Variants in SNRPN observed in about 807,000 individuals in gnomAD.
The protein encoded by SNRPN is small nuclear ribonucleoprotein-associated protein N.
SNRPN carries 7 observed loss-of-function variants against 25.2 expected under a neutral mutation model. That is an observed-to-expected ratio of 0.28 (90% confidence interval 0.16 to 0.52). The LOEUF (loss-of-function observed/expected upper bound fraction) is 0.52, where lower values mean the gene tolerates loss of function less well. Among genes scored for constraint, SNRPN ranks in the 20% least tolerant of loss-of-function variants. SNRPN has a pLI of 0.96. For synonymous variants in SNRPN, 124 were observed against 110.6 expected (o/e 1.12, Z -0.76); for missense variants, 196 against 322.5 (o/e 0.61, Z 3.00).
chr15:24,941,763 T>G (rs911386862), intron 3 of SNRPN, among the ~76,000 whole-genome samples: 4 of 151,910 alleles, frequency 2.6e-5, no homozygotes, highest in African/African-American at 9.7e-5. Flanking sequence ...TGGCAGTTTT[T>G]TGTTTTTATT....
chr15:24,871,686 C>T (rs1326404068), intron 1 of SNRPN, among the ~76,000 whole-genome samples: 4 of 151,692 alleles, frequency 2.6e-5, no homozygotes, highest in African/African-American at 9.7e-5. Context: ...CCCTCATTAC[C>T]TATATGACTA....
At chr15:24,927,289 T>G (rs1312261910) in intron 3 of SNRPN, among the ~76,000 whole-genome samples, 2 of 151,772 alleles carry the variant, frequency 1.3e-5, no homozygotes, top group African/African-American at 4.8e-5. Flanking sequence ...CCTGGCTAAT[T>G]TTTAAAATTT....
At chr15:24,973,461 G>A (rs939287255) in intron 3 of SNRPN, among the ~76,000 whole-genome samples, 9 of 151,406 alleles carry the variant, frequency 5.9e-5, no homozygotes, top group African/African-American at 2.2e-4. Context: ...GCAGTGGCGC[G>A]ATCTCAGCTC....
chr15:24,977,921 G>A lies in SNRPN; in HGVS notation c.559+5G>A. The A allele has an allele frequency of 6.4e-7, 1 of 1,555,024 alleles. No individual in the cohort carries two copies. Among genetic ancestry groups the A allele is most frequent in the Non-Finnish European group, 8.7e-7 (1 of 1,151,120 alleles). On this transcript the variant is annotated splice_donor_5th_base_variant and intron_variant, in intron 8 of 9. Transcript: ENST00000390687. ...GCAGAGCAACCCCACCTCCAGGTAA[G>A]GGATTGGTGAACACGAAGACGAACT...
At position 24,883,725 on chromosome 15, in the gene SNRPN, G is replaced by A. The variant is rs564008124; in HGVS notation, c.-578-2791G>A. Among the ~76,000 whole-genome samples the A allele has an allele frequency of 1.7e-4, 26 of 152,160 alleles. No individual in the cohort carries two copies. The South Asian group carries it at 5.2e-3, about 30-fold the overall frequency. On this transcript the variant is annotated intron_variant, in intron 1 of 11. Transcript: ENST00000400097. ...TACTAGTATTTATCAAGAATGTAGG[G>A]CTGAAGCTGGGCACAGTGGCTCATG...
chr15:24,977,483 T>TA (rs1449722932), intron 7 of SNRPN, among the ~76,000 whole-genome samples: 2 of 151,966 alleles, frequency 1.3e-5, no homozygotes, highest in Non-Finnish European at 2.9e-5. Context: ...CTACTAAAAA[T>TA]ACAAAAATCA....
chr15:24,881,558 AGGGAGGGAGGGAGGGAGGGAGGGAGG>A, intron 1 of SNRPN, among the ~76,000 whole-genome samples: 5 of 41,094 alleles, frequency 1.2e-4, no homozygotes, highest in South Asian at 7.5e-4. Context: ...AGAGAGAGGG[AGGGAGGGAGGGAGGGAGGGAGGGAGG>A]GAGAGAGAGA....
intron 3 of SNRPN, among the ~76,000 whole-genome samples, chr15:24,925,129 T>A (rs956965178): frequency 1.3e-5 from 2 of 152,140 alleles, no homozygotes; most frequent in African/African-American, 4.8e-5. Context: ...TGTACTGAAG[T>A]TATTCAGGGT....
At position 24,825,002 on chromosome 15, in the gene SNRPN, T is replaced by C. The variant is rs116430175; in HGVS notation, c.-687+1152T>C. Among the ~76,000 whole-genome samples, 1,408 of 152,190 alleles carry C rather than the reference T, an allele frequency of 9.3e-3. 41 individuals are homozygous for C. The highest frequency in any genetic ancestry group is 0.032 in the African/African-American group (1,330 of 41,476). ...TAGCAAATGGCTGTTATACAAGTAA[T>C]GAAATCCTCAATCTTATGGTCTAAA... On this transcript the variant is annotated intron_variant, in intron 1 of 12. Transcript: ENST00000400100.
At chr15:24,915,838 A>G (rs2059476423) in intron 2 of SNRPN, among the ~76,000 whole-genome samples, 1 of 152,146 alleles carries the variant, frequency 6.6e-6, no homozygotes, top group Non-Finnish European at 1.5e-5. Flanking sequence ...ATAATTCCAA[A>G]ATTATAAAAC....
At chr15:24,916,771 T>G (rs1346141405) in intron 2 of SNRPN, among the ~76,000 whole-genome samples, 7 of 152,220 alleles carry the variant, frequency 4.6e-5, no homozygotes, top group Non-Finnish European at 7.3e-5. Context: ...GGTGGGTTTG[T>G]GGGTTTGTGG....
chr15:24,962,358 T>C (rs1022219855), intron 2 of SNRPN, 149 bp downstream of exon 2: 37 of 726,374 alleles, frequency 5.1e-5, no homozygotes, highest in Non-Finnish European at 7.4e-5. Context: ...GCAATGAAAT[T>C]CTTAACCATA....
chr15:24,878,536 G>C (rs1346982862), intron 1 of SNRPN, among the ~76,000 whole-genome samples: 3 of 152,120 alleles, frequency 2.0e-5, no homozygotes, highest in Non-Finnish European at 4.4e-5. Context: ...CCCTTTCTTC[G>C]CAAGCGTTAA....
chr15:24,967,506 G>T (rs1307022737), intron 2 of SNRPN, among the ~76,000 whole-genome samples: 2 of 152,052 alleles, frequency 1.3e-5, no homozygotes, highest in Non-Finnish European at 2.9e-5. Context: ...GCCGAGAGTG[G>T]TGGCAGGCAC....
intron 1 of SNRPN, among the ~76,000 whole-genome samples, chr15:24,881,569 G>GA (rs2056633193): frequency 2.5e-5 from 1 of 40,768 alleles, no homozygotes; most frequent in African/African-American, 8.1e-5. Flanking sequence ...GGGAGGGAGG[G>GA]AGGGAGGGAG....
chr15:24,954,798 C>T, upstream of SNRPN: 1 of 579,134 alleles, frequency 1.7e-6, no homozygotes, highest in Non-Finnish European at 3.1e-6. Flanking sequence ...GGCCCCCTCT[C>T]ATTGCAACAG....
At chr15:24,947,174 T>C (rs2061938047) in intron 3 of SNRPN, among the ~76,000 whole-genome samples, 1 of 152,210 alleles carries the variant, frequency 6.6e-6, no homozygotes, top group East Asian at 1.9e-4. Context: ...AATATTTTAG[T>C]GTGTATAATT....
intron 1 of SNRPN, among the ~76,000 whole-genome samples, chr15:24,868,931 G>C (rs943135450): frequency 2.0e-5 from 3 of 152,150 alleles, no homozygotes; most frequent in Non-Finnish European, 4.4e-5. Context: ...GAGGCCAGGA[G>C]TTCCAGACTA....
chr15:24,865,092 G>A (rs886535737), intron 1 of SNRPN, among the ~76,000 whole-genome samples: 4 of 150,446 alleles, frequency 2.7e-5, no homozygotes, highest in African/African-American at 9.8e-5. Flanking sequence ...TGTCCCCCAG[G>A]CTGGAGTGCC....
Sources: gnomAD v4.1 joint callset for allele counts (sites outside exome capture counted in the v4.1 genomes callset) on GRCh38, gnomAD v4.1.1 for gene constraint, MANE v1.5 for transcripts, NCBI Gene and HGNC (gene_info 2026-07-23, HGNC 2026-07-21) for gene names.